CLIP2: variants seen among roughly 807,000 people sequenced by gnomAD.
The protein encoded by CLIP2 is CAP-Gly domain containing linker protein 2.
CLIP2 carries 41 observed loss-of-function variants against 111.7 expected under a neutral mutation model. The ratio of observed to expected loss-of-function variants is 0.37; its 90% CI spans 0.29 to 0.48. The LOEUF is 0.48. CLIP2 is among the 20% of genes least tolerant of loss of function. CLIP2 has a pLI of 0.99. For synonymous variants in CLIP2, 660 were observed against 644.2 expected (o/e 1.02, Z -0.37); for missense variants, 1,160 against 1,422.1 (o/e 0.82, Z 2.96).
chr7:74,291,271 C>T (rs1554725333), intron 1 of CLIP2, among the ~76,000 whole-genome samples: 8 of 152,116 alleles, frequency 5.3e-5, no homozygotes. Flanking sequence ...CACCTGTGTG[C>T]ACCTGCAAAC....
chr7:74,401,959 T>TA lies in CLIP2; in HGVS notation c.3129+404dup, dbSNP rs563632233. On this transcript the variant is annotated intron_variant, in intron 16 of 16. Transcript: ENST00000223398. The stretch of plus-strand genomic sequence containing the variant: ...CAATATAGCGAGACCCTCTCTCTAT[T>TA]AAAAAAAAAAAATTTTAAAAAGGCT... 4.6e-3 allele frequency among the ~76,000 whole-genome samples: 670 copies of TA among 146,474 alleles called. 4 individuals are homozygous for TA. The highest frequency in any genetic ancestry group is 0.014 in the African/African-American group (560 of 40,144).
chr7:74,308,000 C>T (rs1383291193), intron 1 of CLIP2, among the ~76,000 whole-genome samples: 1 of 152,068 alleles, frequency 6.6e-6, no homozygotes, highest in Non-Finnish European at 1.5e-5. Flanking sequence ...TATGGCCCTG[C>T]CTGAAGTTGC....
rs1484905443 is a variant in CLIP2 at position 74,390,216 on chromosome 7, A to T, written c.2720+957A>T. 1.9e-4 allele frequency among the ~76,000 whole-genome samples: 16 copies of T among 82,564 alleles called. 1 individual carries two copies. The highest frequency in any genetic ancestry group is 1.8e-3 in the Admixed American group (16 of 8,846). The allele number at this position is 82,564 out of a possible 152,430, so 54.2% of individuals were successfully genotyped here. A position where few individuals can be genotyped will look rare whatever the true frequency, so the allele number is the denominator to read the frequency against. On this transcript the variant is annotated intron_variant, in intron 13 of 16. Transcript: ENST00000223398. Reference sequence around the variant, plus strand: ...AAGAAAGAAAGAAAGAAAGAAAGAAAGAAAGAAAGGATTAATGCCTCCCCA... The same window carrying T: ...AAGAAAGAAAGAAAGAAAGAAAGAATGAAAGAAAGGATTAATGCCTCCCCA...
At position 74,377,482 on chromosome 7, in the gene CLIP2, C is replaced by T. The variant is rs185542743; in HGVS notation, c.2421+660C>T. 2.4e-3 allele frequency among the ~76,000 whole-genome samples: 369 copies of T among 152,352 alleles called. 2 individuals are homozygous for T. The highest frequency in any genetic ancestry group is 3.7e-3 in the Admixed American group (57 of 15,294). On this transcript the variant is annotated intron_variant, in intron 10 of 16. Coordinates refer to ENST00000223398, the MANE Select transcript of CLIP2 (RefSeq NM_003388.5). ...TCAGCTGAACCCATCCTCCCAGCCC[C>T]TCTGAGGAGGTCAACACCCAGGTGG...
intron 3 of CLIP2, among the ~76,000 whole-genome samples, chr7:74,342,624 G>A (rs782342966): frequency 6.6e-6 from 1 of 151,984 alleles, no homozygotes; most frequent in Non-Finnish European, 1.5e-5. Flanking sequence ...AGGCAAGAGT[G>A]GAGCAGGGGC....
intron 8 of CLIP2, among the ~76,000 whole-genome samples, chr7:74,365,851 C>T (rs1790461259): frequency 6.6e-6 from 1 of 152,066 alleles, no homozygotes; most frequent in Admixed American, 6.6e-5. Context: ...ACTTCCTGGG[C>T]TCAAGTGATG....
chr7:74,390,759 G>C (rs1425240218), intron 13 of CLIP2, among the ~76,000 whole-genome samples: 1 of 138,222 alleles, frequency 7.2e-6, no homozygotes, highest in Non-Finnish European at 1.6e-5. Flanking sequence ...GGGGGGGGTG[G>C]GTGGGGGACT....
At chr7:74,369,132 C>T (rs988817782) in intron 8 of CLIP2, among the ~76,000 whole-genome samples, 1 of 152,224 alleles carries the variant, frequency 6.6e-6, no homozygotes, top group African/African-American at 2.4e-5. Flanking sequence ...AGGTGGATCA[C>T]TTGAGGTCAG....
chr7:74,378,891 C>T (rs754038762), intron 10 of CLIP2, among the ~76,000 whole-genome samples: 1 of 152,150 alleles, frequency 6.6e-6, no homozygotes, highest in Non-Finnish European at 1.5e-5. Flanking sequence ...TGCCCCTTCT[C>T]CCAGGAAGGG....
intron 1 of CLIP2, among the ~76,000 whole-genome samples, chr7:74,298,346 C>G (rs1349065933): frequency 6.8e-6 from 1 of 148,008 alleles, no homozygotes; most frequent in East Asian, 2.0e-4. Flanking sequence ...CCACCACACC[C>G]TGCTAATTGG....
intron 1 of CLIP2, among the ~76,000 whole-genome samples, chr7:74,300,722 C>T (rs1489947169): frequency 6.6e-6 from 1 of 152,186 alleles, no homozygotes; most frequent in Non-Finnish European, 1.5e-5. Context: ...TCCCAAAGTG[C>T]TGGGATTACA....
rs530106354 is a variant in CLIP2 at position 74,382,873 on chromosome 7, A to G, written c.2479+2010A>G. Among the ~76,000 whole-genome samples, 745 of 151,500 alleles carry G rather than the reference A, an allele frequency of 4.9e-3. 6 individuals carry two copies. Among genetic ancestry groups the G allele is most frequent in the Non-Finnish European group, 7.3e-3 (498 of 67,896 alleles). On this transcript the variant is annotated intron_variant, in intron 11 of 16. Coordinates refer to ENST00000223398, the MANE Select transcript of CLIP2 (RefSeq NM_003388.5). The stretch of plus-strand genomic sequence containing the variant: ...TATTGCTTGAGCCCAGGAGTTCAAG[A>G]CCAGCCTGGGCAACATAGTGAGACC...
At position 74,356,326 on chromosome 7, in the gene CLIP2, G is replaced by A. The variant is rs1167542912; in HGVS notation, c.804-84G>A. 5.4e-6 allele frequency: 6 copies of A among 1,117,830 alleles called. No individual in the cohort carries two copies. The African/African-American group carries it at 9.2e-5, about 17-fold the overall frequency. 69.2% of individuals were successfully genotyped at this position (1,117,830 alleles called of 1,614,324 possible). A position where few individuals can be genotyped will look rare whatever the true frequency, so the allele number is the denominator to read the frequency against. On this transcript the variant is annotated intron_variant, in intron 4 of 16. Transcript: ENST00000223398. ...GAGGTGTCTTTCTCTCTTTCTGCCAGGCTCTGAAGAGGCAGAGGAGGCAGG... is the reference window on the plus strand; with the variant it reads ...GAGGTGTCTTTCTCTCTTTCTGCCAAGCTCTGAAGAGGCAGAGGAGGCAGG...
intron 3 of CLIP2, among the ~76,000 whole-genome samples, chr7:74,347,572 G>A (rs1276103215): frequency 2.6e-5 from 4 of 151,956 alleles, no homozygotes; most frequent in Non-Finnish European, 5.9e-5. Context: ...CCGGCCAAAC[G>A]CGCTGTACTC....
chr7:74,341,133 A>G (rs1789649913), intron 3 of CLIP2, among the ~76,000 whole-genome samples: 1 of 152,058 alleles, frequency 6.6e-6, no homozygotes, highest in South Asian at 2.1e-4. Flanking sequence ...ATGTGGTTTT[A>G]TCATCCTCAC....
At chr7:74,349,397 C>A (rs1789904901) in intron 3 of CLIP2, among the ~76,000 whole-genome samples, 1 of 134,524 alleles carries the variant, frequency 7.4e-6, no homozygotes. Flanking sequence ...TGCCACTGCA[C>A]TCCAGCCTGG....
At chr7:74,398,150 A>C (rs1452791681) in intron 14 of CLIP2, among the ~76,000 whole-genome samples, 1 of 151,410 alleles carries the variant, frequency 6.6e-6, no homozygotes, top group Non-Finnish European at 1.5e-5. Flanking sequence ...CTTGAGGTCA[A>C]GAGTACGAGA....
chr7:74,331,205 C>CAAAAAAAAA (rs58844348), intron 2 of CLIP2, among the ~76,000 whole-genome samples: 1 of 59,940 alleles, frequency 1.7e-5, no homozygotes, highest in African/African-American at 7.7e-5. Flanking sequence ...GACTCCATCT[C>CAAAAAAAAA]AAAAAAAAAA....
At chr7:74,330,642 G>T (rs1050391831) in intron 2 of CLIP2, among the ~76,000 whole-genome samples, 1 of 152,066 alleles carries the variant, frequency 6.6e-6, no homozygotes, top group Non-Finnish European at 1.5e-5. Context: ...TGGATGTCGG[G>T]ATGCTCCTGA....
Sources: allele counts gnomAD v4.1 joint callset (sites outside exome capture counted in the v4.1 genomes callset), GRCh38; gene constraint gnomAD v4.1.1; transcripts MANE v1.5; gene names NCBI Gene and HGNC (gene_info 2026-07-23, HGNC 2026-07-21).